Variants in AKAP7 observed in about 807,000 individuals in gnomAD.
AKAP7 encodes the protein A-kinase anchoring protein 7.
Under a neutral mutation model 39.5 loss-of-function variants are expected in AKAP7, and 39 were observed. That is an observed-to-expected ratio of 0.99 (90% confidence interval 0.76 to 1.29). The LOEUF (loss-of-function observed/expected upper bound fraction) is 1.29. AKAP7 is among the 50% of genes most tolerant of loss of function. The probability of loss-of-function intolerance (pLI) is 0.00; values close to 1 mark genes in which losing one functional copy is unlikely to be tolerated. For synonymous variants in AKAP7, 140 were observed against 139.1 expected, an observed-to-expected ratio of 1.01 and a Z score of -0.05; for missense variants, 414 against 407.7, an observed-to-expected ratio of 1.02 and a Z score of -0.13.
At chr6:131,277,068 C>T (rs1814804269) in intron 7 of AKAP7, among the ~76,000 whole-genome samples, 1 of 152,128 alleles carries the variant, frequency 6.6e-6, no homozygotes, top group Non-Finnish European at 1.5e-5. Context: ...GATTTGGTAT[C>T]AGAGATCTTG....
In AKAP7 at chr6:131,281,834, A is replaced by T. The variant is rs927948823; in HGVS notation, c.*108A>T. On this transcript the variant is annotated 3_prime_UTR_variant, in exon 8 of 8. Coordinates refer to ENST00000431975, the MANE Select transcript of AKAP7 (RefSeq NM_016377.4). This position sits in a 1 kb window ranked among gnomAD's most constrained non-coding sequence, Gnocchi z 4.0. The stretch of plus-strand genomic sequence containing the variant: ...TGTTTAAGTTAAGTTTCTCTGGTGC[A>T]ATCTGTGAAGATTGCCTAATACTTT... The T allele has an allele frequency of 1.6e-5, 21 of 1,344,636 alleles. No individual in the cohort carries two copies. In the South Asian group the frequency reaches 4.3e-4, roughly 27 times the overall value. 83.3% of individuals were successfully genotyped at this position (1,344,636 alleles called of 1,614,324 possible). A position where few individuals can be genotyped will look rare whatever the true frequency, so the allele number is the denominator to read the frequency against.
chr6:131,169,051 T>G, intron 4 of AKAP7, 62 bp from the exon 5 acceptor site: 1 of 1,379,166 alleles, frequency 7.3e-7, no homozygotes, highest in Non-Finnish European at 1.0e-6. Context: ...CTTTGTATCT[T>G]ATTTGGTTTT....
chr6:131,254,211 G>A (rs539090191), intron 7 of AKAP7, among the ~76,000 whole-genome samples: 10 of 152,156 alleles, frequency 6.6e-5, no homozygotes, highest in African/African-American at 2.2e-4. Context: ...CTTGCTCTAC[G>A]GGAACATTGT....
intron 7 of AKAP7, among the ~76,000 whole-genome samples, chr6:131,250,797 C>G (rs1429154324): frequency 1.3e-5 from 2 of 152,112 alleles, no homozygotes; most frequent in African/African-American, 2.4e-5. Flanking sequence ...TGTAAAAGTA[C>G]TGCAACTCAG....
chr6:131,268,869 G>C (rs1008115500), intron 7 of AKAP7, among the ~76,000 whole-genome samples: 1 of 152,080 alleles, frequency 6.6e-6, no homozygotes, highest in African/African-American at 2.4e-5. Context: ...ATAATATTTA[G>C]ATTCTAAGGA....
chr6:131,159,340 G>T (rs367635335), intron 2 of AKAP7, among the ~76,000 whole-genome samples: 2 of 152,018 alleles, frequency 1.3e-5, no homozygotes, highest in Non-Finnish European at 1.5e-5. Flanking sequence ...TGATTCGCCC[G>T]CCTCGGCCTC....
intron 4 of AKAP7, among the ~76,000 whole-genome samples, chr6:131,167,299 A>G (rs373468104): frequency 4.7e-4 from 72 of 152,294 alleles, no homozygotes; most frequent in African/African-American, 1.6e-3. Context: ...ATTAGCACAA[A>G]TTTACTGATT....
At chr6:131,181,410 TC>T (rs1239850442) in intron 5 of AKAP7, among the ~76,000 whole-genome samples, 1 of 152,224 alleles carries the variant, frequency 6.6e-6, no homozygotes, top group African/African-American at 2.4e-5. Flanking sequence ...TTCCCTACTT[TC>T]TGTTCCTATT....
At chr6:131,260,939 G>A (rs552338301) in intron 7 of AKAP7, among the ~76,000 whole-genome samples, 5 of 152,242 alleles carry the variant, frequency 3.3e-5, no homozygotes, top group Admixed American at 1.3e-4. Flanking sequence ...GCTCATGACT[G>A]TAATCCCAGC....
intron 7 of AKAP7, among the ~76,000 whole-genome samples, chr6:131,226,118 C>T (rs920173224): frequency 2.6e-5 from 4 of 152,188 alleles, no homozygotes; most frequent in East Asian, 1.9e-4. Context: ...TGACCTTGAG[C>T]GTAGCTATCT....
intron 6 of AKAP7, among the ~76,000 whole-genome samples, chr6:131,202,093 T>A (rs542146721): frequency 6.6e-6 from 1 of 151,626 alleles, no homozygotes; most frequent in Admixed American, 6.6e-5. Flanking sequence ...TGGCAGTCAT[T>A]AAAAAGTCAG....
chr6:131,199,628 C>A, intron 6 of AKAP7, 55 bp downstream of exon 6: 2 of 1,352,010 alleles, frequency 1.5e-6, no homozygotes, highest in South Asian at 1.2e-5. Flanking sequence ...CAGCCATAAG[C>A]ATGGTCTGGA....
chr6:131,148,855 TTTA>T (rs1356397839), intron 2 of AKAP7, among the ~76,000 whole-genome samples: 1 of 152,194 alleles, frequency 6.6e-6, no homozygotes, highest in Non-Finnish European at 1.5e-5. Context: ...TTCTTGTACA[TTTA>T]GTAATCAGTC....
intron 2 of AKAP7, among the ~76,000 whole-genome samples, chr6:131,145,902 T>C (rs538406680): frequency 3.3e-5 from 5 of 152,246 alleles, no homozygotes; most frequent in Admixed American, 2.6e-4. Flanking sequence ...GGTATAATAA[T>C]AATAATGTTA....
At chr6:131,161,697 G>C (rs1357624291) in intron 3 of AKAP7, among the ~76,000 whole-genome samples, 1 of 123,622 alleles carries the variant, frequency 8.1e-6, no homozygotes, top group Non-Finnish European at 1.7e-5. Flanking sequence ...AAAGGTCCTA[G>C]TGCAATAGTC....
At position 131,192,265 on chromosome 6, in the gene AKAP7, A is replaced by G. The variant is rs534719818; in HGVS notation, c.590-7196A>G. Among the ~76,000 whole-genome samples the G allele has an allele frequency of 1.6e-4, 24 of 152,152 alleles. No individual in the cohort carries two copies. The South Asian group carries it at 3.7e-3, about 24-fold the overall frequency. ...TAATCCATTTTGATTTGATTTTTGT[A>G]TGTGGTGAGAGATAGGTGTCTAGTT... On this transcript the variant is annotated intron_variant, in intron 5 of 7. Transcript: ENST00000431975.
chr6:131,244,132 G>C lies in AKAP7; in HGVS notation c.850+24324G>C, dbSNP rs190913617. On this transcript the variant is annotated intron_variant, in intron 7 of 7. Transcript: ENST00000431975. ...AGACTGTAAAAAGCAGGGCTGAACA[G>C]TATCTGTCTAGAATAAGTGACTGTT... is the stretch of plus-strand genomic sequence containing the variant. Among the ~76,000 whole-genome samples, 22 of 152,022 alleles carry C rather than the reference G, an allele frequency of 1.4e-4. No homozygotes were observed. The East Asian group carries it at 2.7e-3, about 19-fold the overall frequency.
intron 7 of AKAP7, among the ~76,000 whole-genome samples, chr6:131,257,045 T>G (rs1023503676): frequency 2.6e-5 from 4 of 152,162 alleles, no homozygotes; most frequent in Admixed American, 6.6e-5. Flanking sequence ...TTCTGACATT[T>G]ACCGTTTAAC....
intron 7 of AKAP7, among the ~76,000 whole-genome samples, chr6:131,278,261 G>A (rs1018382843): frequency 5.3e-5 from 8 of 152,090 alleles, no homozygotes; most frequent in Non-Finnish European, 8.8e-5. Context: ...CAGTAATGTT[G>A]AATAAGTACA....
Sources: allele counts gnomAD v4.1 joint callset (sites outside exome capture counted in the v4.1 genomes callset), GRCh38; gene constraint gnomAD v4.1.1; non-coding constraint Gnocchi (gnomAD v3.1); transcripts MANE v1.5; gene names NCBI Gene and HGNC (gene_info 2026-07-23, HGNC 2026-07-21).